The following SCN3A variants were observed in gnomAD, a reference collection of about 807,000 sequenced individuals.
SCN3A encodes the protein sodium voltage-gated channel alpha subunit 3.
Under a neutral mutation model 187.6 loss-of-function variants are expected in SCN3A, and 60 were observed. The observed-to-expected ratio is 0.32, with a 90% CI of 0.26 to 0.40. The LOEUF is 0.40. Ranked by LOEUF, SCN3A falls within the 10% of genes least tolerant of loss-of-function variation. SCN3A has a pLI of 1.00. For synonymous variants in SCN3A, 788 were observed against 829.2 expected, an observed-to-expected ratio of 0.95 and a Z score of 0.85; for missense variants, 1,601 against 2,428.2, an observed-to-expected ratio of 0.66 and a Z score of 7.16.
chr2:165,180,233 T>A (rs1690757457), intron 2 of SCN3A, among the ~76,000 whole-genome samples: 1 of 152,190 alleles, frequency 6.6e-6, no homozygotes, highest in East Asian at 1.9e-4. Context: ...AATCATTTAT[T>A]TGGAAAATAT....
chr2:165,124,151 T>C (rs1686853832), intron 18 of SCN3A, among the ~76,000 whole-genome samples: 1 of 152,112 alleles, frequency 6.6e-6, no homozygotes, highest in Non-Finnish European at 1.5e-5. Flanking sequence ...GAGGATAAAG[T>C]AGTTATTTAA....
chr2:165,164,642 T>C, intron 5 of SCN3A, 122 bp from the exon 6 acceptor site: 1 of 1,084,380 alleles, frequency 9.2e-7, no homozygotes, highest in South Asian at 1.5e-5. Flanking sequence ...TGTTCCTTAC[T>C]TCTATTTACC....
At chr2:165,187,686 G>T (rs145192643) in intron 1 of SCN3A, among the ~76,000 whole-genome samples, 4 of 152,014 alleles carry the variant, frequency 2.6e-5, no homozygotes, top group African/African-American at 9.7e-5. Context: ...TCCTACCCTT[G>T]TTCAAATCTG....
rs16850136 is a variant in SCN3A at position 165,147,332 on chromosome 2, C to G, written c.1381-303G>C. Among the ~76,000 whole-genome samples, 33,159 of 149,822 alleles carry G rather than the reference C, an allele frequency of 0.22. 3,688 individuals carry two copies. Among genetic ancestry groups the G allele is most frequent in the East Asian group, 0.31 (1,525 of 4,990 alleles). The stretch of plus-strand genomic sequence containing the variant: ...TGTTCTCTTCAAAGTGTCTTCTATA[C>G]TTTAAAAAGCAAATGTTTTCTTCGT... On this transcript the variant is annotated intron_variant, in intron 11 of 27. Coordinates refer to ENST00000283254, the MANE Select transcript of SCN3A (RefSeq NM_006922.4).
intron 15 of SCN3A, among the ~76,000 whole-genome samples, chr2:165,131,873 T>G (rs1054645937): frequency 7.3e-5 from 11 of 151,722 alleles, no homozygotes; most frequent in Non-Finnish European, 1.3e-4. Flanking sequence ...GTCTTTGTGA[T>G]AGTTTACTGA....
intron 17 of SCN3A, 70 bp from the exon 18 acceptor site, chr2:165,128,171 A>G: frequency 5.0e-6 from 6 of 1,192,438 alleles, no homozygotes; most frequent in Non-Finnish European, 5.9e-6. Flanking sequence ...CTAAAAAGGG[A>G]ACTCATAGAT....
chr2:165,146,353 G>A (rs1688318604), intron 12 of SCN3A, among the ~76,000 whole-genome samples: 1 of 150,594 alleles, frequency 6.6e-6, no homozygotes, highest in South Asian at 2.1e-4. Flanking sequence ...TCATTGAAAA[G>A]TCTGCTAGTG....
chr2:165,116,655 G>C (rs559098054), intron 18 of SCN3A, among the ~76,000 whole-genome samples: 1 of 152,142 alleles, frequency 6.6e-6, no homozygotes, highest in South Asian at 2.1e-4. Context: ...GTTCATGTTG[G>C]GGAAATTTGG....
intron 11 of SCN3A, 96 bp downstream of exon 11, chr2:165,154,356 A>G (rs1362487072): frequency 7.6e-7 from 1 of 1,320,952 alleles, no homozygotes; most frequent in Non-Finnish European, 1.1e-6. Flanking sequence ...ATATAAAATG[A>G]AAAAGCAGTT....
chr2:165,122,704 C>T (rs1686767999), intron 18 of SCN3A: 1 of 152,182 alleles, frequency 6.6e-6, no homozygotes, highest in Non-Finnish European at 1.5e-5. Flanking sequence ...AGCAGCTGGG[C>T]AAGTCTAGCA....
chr2:165,131,373 A>C lies in SCN3A; in HGVS notation c.2436T>G (p.Ile812Met). The C allele has an allele frequency of 6.2e-7, 1 of 1,606,518 alleles. No homozygotes were observed. The highest frequency in any genetic ancestry group is 2.2e-5 in the East Asian group (1 of 44,510). The change falls in exon 16 of 28, where the codon ATT becomes ATG. Residue 812 changes from isoleucine to methionine, a missense_variant. This residue lies in a region of SCN3A where 376 missense variants were observed against 476.0 expected (regional missense o/e 0.79). Coordinates refer to ENST00000283254, the MANE Select transcript of SCN3A (RefSeq NM_006922.4). ...IFTAEMVLKI[I>M]AMDPYYYFQE... ...GGAAATAGTAATAAGGATCCATGGCAATGATCTTGAGAACCATTTCTGCTG... is the reference window on the plus strand; with the variant it reads ...GGAAATAGTAATAAGGATCCATGGCCATGATCTTGAGAACCATTTCTGCTG...
chr2:165,095,489 G>A (rs574273428), intron 25 of SCN3A, 22 bp downstream of exon 25: 6 of 1,608,958 alleles, frequency 3.7e-6, no homozygotes, highest in Middle Eastern at 1.7e-4. Flanking sequence ...ATGAAGAAAG[G>A]TAAAAGCTAA....
Position 165,146,828 on chromosome 2 carries a change from A to G in SCN3A, c.1582T>C (p.Ser528Pro), listed in dbSNP as rs1429072281. ...GERDSFPKSE[S>P]EDSVKRSSFL... ...CTGCTTCTTTTGACGCTGTCTTCAGATTCGGATTTGGGAAAGCTGTCTCTC... is the reference window on the plus strand; with the variant it reads ...CTGCTTCTTTTGACGCTGTCTTCAGGTTCGGATTTGGGAAAGCTGTCTCTC... Residue 528 changes from serine (S) to proline (P), a missense_variant, in exon 12 of 28, where the codon TCT (serine) becomes CCT (proline). Ser to Pro is a moderately conservative substitution (Grantham distance 74). Around this residue, in one of 11 missense-constraint regions of SCN3A, gnomAD observed 376 missense variants for 476.0 expected, o/e 0.79. Coordinates refer to ENST00000283254, the MANE Select transcript of SCN3A (RefSeq NM_006922.4). 1 of 1,614,082 alleles carries G rather than the reference A, an allele frequency of 6.2e-7. No individual in the cohort carries two copies. The highest frequency in any genetic ancestry group is 1.1e-5 in the South Asian group (1 of 91,078).
In SCN3A at chr2:165,138,127, C is replaced by A. The variant is rs779668431; in HGVS notation, c.2153-10G>T. ...CTAGATTCTTCAAGTTCTGGAGGGA[C>A]AATAACAAGGAAGAGTAGTAAATAA... On this transcript the variant is annotated splice_polypyrimidine_tract_variant and intron_variant, in intron 14 of 27. Transcript: ENST00000283254. The A allele has an allele frequency of 4.4e-5, 69 of 1,586,014 alleles. No individual in the cohort carries two copies. Among genetic ancestry groups the A allele is most frequent in the African/African-American group, 4.0e-4 (30 of 74,380 alleles).
intron 1 of SCN3A, among the ~76,000 whole-genome samples, chr2:165,193,474 C>T (rs1217825540): frequency 6.6e-6 from 1 of 152,126 alleles, no homozygotes. Flanking sequence ...AAGCAAACAG[C>T]ATTCTCTGAA....
rs761912704 is a variant in SCN3A at position 165,091,178 on chromosome 2, C to T, written c.4975G>A (p.Gly1659Ser). The change falls in exon 28 of 28, where the codon GGC becomes AGC. Residue 1659 changes from glycine to serine, a missense_variant. By Grantham distance (56) the Gly-to-Ser change is moderately conservative. This residue lies in a region of SCN3A where 320 missense variants were observed against 623.2 expected (regional missense o/e 0.51). Coordinates refer to ENST00000283254, the MANE Select transcript of SCN3A (RefSeq NM_006922.4). ...MMSLPALFNIGLLLFLVMFIY... is the reference protein window; with the variant it reads ...MMSLPALFNISLLLFLVMFIY... ...AACATGACCAGGAAGAGCAGGAGGC[C>T]GATGTTAAACAACGCAGGAAGGGAC... 7 of 1,613,902 alleles carry T rather than the reference C, an allele frequency of 4.3e-6. No individual in the cohort carries two copies. The highest frequency in any genetic ancestry group is 2.2e-5 in the South Asian group (2 of 91,074).
At chr2:165,166,252 T>C (rs748746913) in intron 5 of SCN3A, among the ~76,000 whole-genome samples, 10 of 152,166 alleles carry the variant, frequency 6.6e-5, no homozygotes, top group Non-Finnish European at 1.3e-4. Context: ...TGGCTGTCCA[T>C]GGAAGAGAGT....
Position 165,091,015 on chromosome 2 carries a change from C to A in SCN3A, c.5138G>T (p.Gly1713Val). 1 of 1,614,102 alleles carries A rather than the reference C, an allele frequency of 6.2e-7. No homozygotes were observed. Among genetic ancestry groups the A allele is most frequent in the East Asian group, 2.2e-5 (1 of 44,876 alleles). The change falls in exon 28 of 28, where the codon GGA (glycine) becomes GTA (valine). Residue 1713 changes from glycine (G) to valine (V), a missense_variant. By Grantham distance (109) the Gly-to-Val change is moderately radical. Around this residue, in one of 11 missense-constraint regions of SCN3A, gnomAD observed 320 missense variants for 623.2 expected, o/e 0.51. Coordinates refer to ENST00000283254, the MANE Select transcript of SCN3A (RefSeq NM_006922.4). Reference sequence around the variant, plus strand: ...ACTATTAAGAATAGGTGCTAGCAATCCATCCCAGCCAGCAGAGGTTGTAAT... The same window carrying A: ...ACTATTAAGAATAGGTGCTAGCAATACATCCCAGCCAGCAGAGGTTGTAAT... ...FQITTSAGWD[G>V]LLAPILNSAP...
intron 1 of SCN3A, among the ~76,000 whole-genome samples, chr2:165,188,612 AC>A (rs1206906276): frequency 2.6e-5 from 4 of 151,936 alleles, no homozygotes; most frequent in African/African-American, 9.7e-5. Context: ...ACATGGTGAA[AC>A]CCCGTCTCTA....
Sources: gnomAD v4.1 joint callset for allele counts (sites outside exome capture counted in the v4.1 genomes callset) on GRCh38, gnomAD v4.1.1 for gene constraint, gnomAD v4.1.1 regional missense constraint, MANE v1.5 for transcripts, NCBI Gene and HGNC (gene_info 2026-07-23, HGNC 2026-07-21) for gene names.